The following DOCK9 variants were observed in gnomAD, a reference collection of about 807,000 sequenced individuals.
The protein encoded by DOCK9 is dedicator of cytokinesis 9.
DOCK9 carries 89 observed loss-of-function variants against 263.3 expected under a neutral mutation model. The observed-to-expected ratio is 0.34, with a 90% CI of 0.28 to 0.40. The LOEUF (loss-of-function observed/expected upper bound fraction) is 0.40, where lower values mean the gene tolerates loss of function less well. Among genes scored for constraint, DOCK9 ranks in the 10% least tolerant of loss-of-function variants. DOCK9 has a pLI of 1.00. For synonymous variants in DOCK9, 976 were observed against 973.1 expected, an observed-to-expected ratio of 1.00 and a Z score of -0.06; for missense variants, 2,140 against 2,603.4, an observed-to-expected ratio of 0.82 and a Z score of 3.87.
At chr13:98,842,991 T>G (rs188855893) in intron 38 of DOCK9, among the ~76,000 whole-genome samples, 1 of 152,314 alleles carries the variant, frequency 6.6e-6, no homozygotes, top group Non-Finnish European at 1.5e-5. Context: ...GTGCGTGTGG[T>G]GCCTTCTTCC....
In DOCK9 at chr13:98,794,318, A is replaced by G. The variant is rs1457229836; in HGVS notation, c.*308T>C. 4 of 294,508 alleles carry G rather than the reference A, an allele frequency of 1.4e-5. No homozygotes were observed. Among genetic ancestry groups the G allele is most frequent in the Admixed American group, 5.1e-5 (1 of 19,420 alleles). 18.2% of individuals were successfully genotyped at this position (294,508 alleles called of 1,614,324 possible). On this transcript the variant is annotated 3_prime_UTR_variant, in exon 53 of 53. Coordinates refer to ENST00000682017, the MANE Select transcript of DOCK9 (RefSeq NM_001366683.2). ...AGATCCCAGAACCTTTTTTTTCTGT[A>G]GGCCATCTATTCTAACACTACTCTG...
intron 2 of DOCK9, among the ~76,000 whole-genome samples, chr13:98,936,442 T>C (rs1340962611): frequency 6.6e-6 from 1 of 151,946 alleles, no homozygotes; most frequent in African/African-American, 2.4e-5. Flanking sequence ...CAACATAGCG[T>C]GACCTTGTCT....
chr13:99,021,638 CAAAAA>C (rs61660903), intron 1 of DOCK9, among the ~76,000 whole-genome samples: 15 of 101,574 alleles, frequency 1.5e-4, no homozygotes, highest in East Asian at 5.5e-4. Flanking sequence ...GACTCTGTCT[CAAAAA>C]AAAAAAAAAA....
chr13:98,908,101 T>C (rs1317092911), intron 9 of DOCK9, among the ~76,000 whole-genome samples: 3 of 151,754 alleles, frequency 2.0e-5, no homozygotes, highest in Non-Finnish European at 4.4e-5. Flanking sequence ...ACTATTACAC[T>C]ACACAAGACA....
intron 45 of DOCK9, among the ~76,000 whole-genome samples, chr13:98,812,530 GAC>G (rs1346079864): frequency 6.6e-6 from 1 of 152,294 alleles, no homozygotes; most frequent in African/African-American, 2.4e-5. Context: ...GGACCTAACA[GAC>G]AACTGAAAGT....
chr13:98,835,159 G>A (rs2092941864), intron 39 of DOCK9, among the ~76,000 whole-genome samples: 1 of 152,206 alleles, frequency 6.6e-6, no homozygotes, highest in South Asian at 2.1e-4. Flanking sequence ...ATCTTATTAG[G>A]AGATTGATTT....
At chr13:98,795,420 T>C (rs1370280741) in intron 52 of DOCK9, among the ~76,000 whole-genome samples, 3 of 152,112 alleles carry the variant, frequency 2.0e-5, no homozygotes, top group African/African-American at 7.2e-5. Context: ...CCTGGAAACA[T>C]CGAAAGCAAG....
chr13:98,990,374 C>T (rs2141699088), intron 1 of DOCK9, among the ~76,000 whole-genome samples: 1 of 152,296 alleles, frequency 6.6e-6, no homozygotes, highest in Admixed American at 6.5e-5. Flanking sequence ...ATGAGCTTGT[C>T]TATTCCCTGG....
chr13:99,076,676 T>TC (rs2041921397), intron 1 of DOCK9, among the ~76,000 whole-genome samples: 1 of 151,760 alleles, frequency 6.6e-6, no homozygotes, highest in South Asian at 2.1e-4. Flanking sequence ...GGAAGAGAAA[T>TC]TAGAGGTAAT....
intron 1 of DOCK9, among the ~76,000 whole-genome samples, chr13:99,013,258 C>A (rs11620380): frequency 0.085 from 12,985 of 152,174 alleles, 652 homozygotes; most frequent in Middle Eastern, 0.13. Context: ...TGTGTGTCAA[C>A]ATATGTCTGG....
chr13:98,895,053 G>A (rs771459207), intron 15 of DOCK9, among the ~76,000 whole-genome samples: 1 of 150,830 alleles, frequency 6.6e-6, no homozygotes, highest in Non-Finnish European at 1.5e-5. Context: ...GGCTGAGGCA[G>A]GAGAATTGCT....
chr13:99,070,522 T>C (rs994110633), intron 1 of DOCK9, among the ~76,000 whole-genome samples: 3 of 152,256 alleles, frequency 2.0e-5, no homozygotes, highest in African/African-American at 4.8e-5. Flanking sequence ...TAAAGGGTTA[T>C]ATGGTATTTC....
At chr13:98,892,850 AT>A (rs2139124202) in intron 15 of DOCK9, among the ~76,000 whole-genome samples, 1 of 152,276 alleles carries the variant, frequency 6.6e-6, no homozygotes, top group East Asian at 1.9e-4. Context: ...TGCCTTTTGC[AT>A]TTATTCCCCA....
intron 1 of DOCK9, among the ~76,000 whole-genome samples, chr13:99,071,715 GT>G (rs960798792): frequency 6.6e-6 from 1 of 152,022 alleles, no homozygotes; most frequent in African/African-American, 2.4e-5. Context: ...TCGCTTTTTA[GT>G]TTTTTAATTT....
intron 50 of DOCK9, among the ~76,000 whole-genome samples, chr13:98,799,583 A>G (rs1206793796): frequency 1.3e-5 from 2 of 152,216 alleles, no homozygotes; most frequent in African/African-American, 2.4e-5. Flanking sequence ...CAAACTGAAC[A>G]TATATGTTAG....
At position 99,050,723 on chromosome 13, in the gene DOCK9, C is replaced by T. The variant is rs371342151; in HGVS notation, c.129+35500G>A. 4.0e-4 allele frequency among the ~76,000 whole-genome samples: 61 copies of T among 152,170 alleles called. 1 individual carries two copies. The East Asian group carries it at 8.3e-3, about 21-fold the overall frequency. Reference sequence around the variant, plus strand: ...AAATAAAAAATAAACATGTCATAAGCACCCACCATGTTGTAGACACTAATG... The same window carrying T: ...AAATAAAAAATAAACATGTCATAAGTACCCACCATGTTGTAGACACTAATG... On this transcript the variant is annotated intron_variant, in intron 1 of 32. Coordinates refer to the DOCK9 transcript ENST00000427887.
At chr13:98,882,332 G>T (rs1049979869) in intron 23 of DOCK9, among the ~76,000 whole-genome samples, 2 of 152,166 alleles carry the variant, frequency 1.3e-5, no homozygotes, top group African/African-American at 4.8e-5. Flanking sequence ...AGGAAGCAGG[G>T]TCAGAGAGAT....
rs73556982 is a variant in DOCK9 at position 98,887,323 on chromosome 13, A to G, written c.2044-699T>C. On this transcript the variant is annotated intron_variant, in intron 18 of 52. Coordinates refer to ENST00000682017, the MANE Select transcript of DOCK9 (RefSeq NM_001366683.2). ...CTGCACTACTCCCCTCACCTAAAAC[A>G]TATGGATAATAGGCCGGGTGGGGTG... Among the ~76,000 whole-genome samples the G allele has an allele frequency of 3.7e-3, 553 of 151,488 alleles. 1 individual carries two copies. The highest frequency in any genetic ancestry group is 0.012 in the African/African-American group (513 of 41,324).
At chr13:99,034,229 C>T (rs971319442) in intron 1 of DOCK9, among the ~76,000 whole-genome samples, 23 of 152,126 alleles carry the variant, frequency 1.5e-4, no homozygotes, top group African/African-American at 5.1e-4. Flanking sequence ...CTTCCTCCCT[C>T]ATTTCCCCAG....
Sources: allele counts gnomAD v4.1 joint callset (sites outside exome capture counted in the v4.1 genomes callset), GRCh38; gene constraint gnomAD v4.1.1; transcripts MANE v1.5; gene names NCBI Gene and HGNC (gene_info 2026-07-23, HGNC 2026-07-21).